The following ZNF322 variants were observed in gnomAD, a reference collection of about 807,000 sequenced individuals.
ZNF322 encodes zinc finger protein 322.
In ZNF322, 1 loss-of-function variant was observed where a neutral mutation model predicts 18.3. The observed-to-expected ratio is 0.05, with a 90% CI of 0.02 to 0.26. The LOEUF (loss-of-function observed/expected upper bound fraction) is 0.26. ZNF322 is among the 10% of genes least tolerant of loss of function. The probability of loss-of-function intolerance (pLI) is 1.00; values close to 1 mark genes in which losing one functional copy is unlikely to be tolerated. For missense variants in ZNF322, 36 were observed against 403.6 expected (o/e 0.09, Z 7.80); for synonymous variants, 17 against 130.7 (o/e 0.13, Z 5.93).
intron 3 of ZNF322, among the ~76,000 whole-genome samples, chr6:26,640,657 C>T (rs1765450915): frequency 6.6e-6 from 1 of 152,136 alleles, no homozygotes; most frequent in African/African-American, 2.4e-5. Flanking sequence ...GAATGTAAGC[C>T]CCTAAAAGAC....
chr6:26,643,584 T>C (rs1554148479), intron 3 of ZNF322, 75 bp downstream of exon 3: 1 of 152,978 alleles, frequency 6.5e-6, no homozygotes. Flanking sequence ...TCACAAAGAA[T>C]GGGAGGTACT....
Position 26,653,107 on chromosome 6 carries a change from T to C in ZNF322, c.-246+5451A>G, listed in dbSNP as rs79846813. 4.6e-3 allele frequency among the ~76,000 whole-genome samples: 695 copies of C among 152,308 alleles called. 8 individuals carry two copies. The highest frequency in any genetic ancestry group is 0.029 in the South Asian group (138 of 4,828). ...GTAAGGAAACAGACACACTCATATG[T>C]TGCTGGAGGGAATGCAAACTGGTAA... On this transcript the variant is annotated intron_variant, in intron 2 of 3. Coordinates refer to ENST00000415922, the MANE Select transcript of ZNF322 (RefSeq NM_024639.5).
chr6:26,653,507 C>T (rs1247102536), intron 2 of ZNF322, among the ~76,000 whole-genome samples: 1 of 152,126 alleles, frequency 6.6e-6, no homozygotes, highest in Admixed American at 6.5e-5. Context: ...ATGGTACATA[C>T]ATCCACACAT....
At chr6:26,648,001 C>T (rs756237522) in intron 2 of ZNF322, among the ~76,000 whole-genome samples, 1 of 151,858 alleles carries the variant, frequency 6.6e-6, no homozygotes, top group Non-Finnish European at 1.5e-5. Flanking sequence ...GGCTCAGCCT[C>T]CTGAATAGCT....
rs1765671726 is a variant in ZNF322 at position 26,651,664 on chromosome 6, A to G, written c.-246+6894T>C. Among the ~76,000 whole-genome samples the G allele has an allele frequency of 2.6e-5, 4 of 152,332 alleles. No individual in the cohort carries two copies. The South Asian group carries it at 8.3e-4, about 32-fold the overall frequency. ...GCTTGATTTAGCCAGTCCACAATGTATACATATATTGAGACATCATGTTCT... is the reference window on the plus strand; with the variant it reads ...GCTTGATTTAGCCAGTCCACAATGTGTACATATATTGAGACATCATGTTCT... On this transcript the variant is annotated intron_variant, in intron 2 of 3. Coordinates refer to ENST00000415922, the MANE Select transcript of ZNF322 (RefSeq NM_024639.5).
intron 2 of ZNF322, among the ~76,000 whole-genome samples, chr6:26,655,743 A>G (rs184007647): frequency 2.2e-4 from 34 of 152,262 alleles, no homozygotes; most frequent in African/African-American, 8.2e-4. Context: ...TAATGCCATT[A>G]TTTCAGGAGT....
chr6:26,658,487 G>T, intron 2 of ZNF322, 71 bp downstream of exon 2: 1 of 157,890 alleles, frequency 6.3e-6, no homozygotes, highest in Non-Finnish European at 1.5e-5. Flanking sequence ...ATACTTTCCT[G>T]TCTTTCACCC....
chr6:26,654,682 A>G (rs1232796969), intron 2 of ZNF322, among the ~76,000 whole-genome samples: 1 of 152,168 alleles, frequency 6.6e-6, no homozygotes, highest in Non-Finnish European at 1.5e-5. Context: ...GTTTTTTTGC[A>G]TTAGAAAAGC....
chr6:26,657,477 T>A (rs1160205436), intron 2 of ZNF322, among the ~76,000 whole-genome samples: 1 of 152,052 alleles, frequency 6.6e-6, no homozygotes, highest in Non-Finnish European at 1.5e-5. Context: ...GAAGATCACT[T>A]CCTCAAAAAG....
chr6:26,645,528 G>T (rs1345703030), intron 2 of ZNF322, among the ~76,000 whole-genome samples: 2 of 151,996 alleles, frequency 1.3e-5, no homozygotes, highest in East Asian at 3.8e-4. Context: ...GTATACACTG[G>T]GAGTCTTGGA....
In ZNF322 at chr6:26,638,002, C is replaced by CTT. The variant is rs1765392767; in HGVS notation, c.550_551dup (p.Cys185SerfsTer90). 1 of 887,142 alleles carries CTT rather than the reference C, an allele frequency of 1.1e-6. No homozygotes were observed. 55.0% of individuals were successfully genotyped at this position (887,142 alleles called of 1,614,324 possible). A position where few individuals can be genotyped will look rare whatever the true frequency, so the allele number is the denominator to read the frequency against. ...TAAAAGCTTTTTCACACTCGAGACACTTAAATGGTTTCTCACCTGTGTGAG... is the reference window on the plus strand; with the variant it reads ...TAAAAGCTTTTTCACACTCGAGACACTTTTAAATGGTTTCTCACCTGTGTGAG... On this transcript the variant is annotated frameshift_variant, in exon 4 of 4. Coordinates refer to ENST00000415922, the MANE Select transcript of ZNF322 (RefSeq NM_024639.5). LOFTEE classifies it high-confidence loss of function.
At chr6:26,644,418 G>A (rs75523987) in intron 2 of ZNF322, among the ~76,000 whole-genome samples, 2,538 of 152,194 alleles carry the variant, frequency 0.017, 32 homozygotes, top group Non-Finnish European at 0.025. Context: ...TACAGCTGAG[G>A]CTCTCTATGA....
At chr6:26,640,329 A>G (rs1206106422) in intron 3 of ZNF322, among the ~76,000 whole-genome samples, 1 of 152,206 alleles carries the variant, frequency 6.6e-6, no homozygotes, top group Non-Finnish European at 1.5e-5. Flanking sequence ...ACTCGTAGTT[A>G]CTACTCTGAT....
chr6:26,638,832 A>C, intron 3 of ZNF322, 104 bp from the exon 4 acceptor site: 1 of 363,604 alleles, frequency 2.8e-6, no homozygotes, highest in Non-Finnish European at 4.9e-6. Context: ...CAGAGTCCCT[A>C]AGTCTTCTAG....
At chr6:26,639,887 C>T (rs1251846395) in intron 3 of ZNF322, among the ~76,000 whole-genome samples, 1 of 152,134 alleles carries the variant, frequency 6.6e-6, no homozygotes, top group Non-Finnish European at 1.5e-5. Flanking sequence ...ATCAACCAAC[C>T]TCTTGTAAGT....
At chr6:26,649,822 G>C (rs1407013598) in intron 2 of ZNF322, among the ~76,000 whole-genome samples, 5 of 148,174 alleles carry the variant, frequency 3.4e-5, no homozygotes, top group African/African-American at 1.2e-4. Context: ...TCCTGCCTCA[G>C]CCTCCTGAGT....
intron 2 of ZNF322, among the ~76,000 whole-genome samples, chr6:26,647,090 G>A (rs1375029151): frequency 1.3e-5 from 2 of 151,976 alleles, no homozygotes; most frequent in African/African-American, 4.8e-5. Context: ...TTTCAATTGA[G>A]CCCAGGAGTT....
chr6:26,655,411 TCTA>T (rs2113676452), intron 2 of ZNF322, among the ~76,000 whole-genome samples: 1 of 152,326 alleles, frequency 6.6e-6, no homozygotes, highest in Admixed American at 6.5e-5. Context: ...CAATTAGGGT[TCTA>T]GAAAAGAAGT....
intron 3 of ZNF322, among the ~76,000 whole-genome samples, chr6:26,640,363 T>A (rs1765445220): frequency 6.6e-6 from 1 of 152,148 alleles, no homozygotes; most frequent in African/African-American, 2.4e-5. Context: ...CTTCCTCTAC[T>A]TACTCATTGC....
Sources: gnomAD v4.1 joint callset for allele counts (sites outside exome capture counted in the v4.1 genomes callset) on GRCh38, gnomAD v4.1.1 for gene constraint, MANE v1.5 for transcripts, NCBI Gene and HGNC (gene_info 2026-07-23, HGNC 2026-07-21) for gene names.